Variants in PTK6 observed in about 807,000 individuals in gnomAD.
PTK6 encodes the protein protein-tyrosine kinase 6.
A neutral mutation model predicts 47.5 loss-of-function variants in PTK6; 47 were observed. The ratio of observed to expected loss-of-function variants is 0.99; its 90% CI spans 0.78 to 1.26. The LOEUF is 1.26. Ranked by LOEUF, PTK6 falls within the 50% of genes most tolerant of loss-of-function variation. PTK6 has a pLI of 0.00. For synonymous variants in PTK6, 287 were observed against 276.5 expected (o/e 1.04, Z -0.38); for missense variants, 618 against 625.3 (o/e 0.99, Z 0.12).
In PTK6 at chr20:63,534,302, C is replaced by T. The variant is rs1482973052; in HGVS notation, c.366G>A (p.Gln122=). 3.1e-6 allele frequency: 5 copies of T among 1,604,422 alleles called. No homozygotes were observed. The highest frequency in any genetic ancestry group is 2.2e-5 in the East Asian group (1 of 44,712). ...GCCAGATCTTGTAGTGCCGCACAGC[C>T]TGCGTGTCCCGCACTGGGAGGGAGA... ...ADYVLSVRDT[Q]AVRHYKIWRR... is the part of the protein sequence containing the mutation. Residue 122 remains glutamine, a synonymous_variant, in exon 3 of 8, where the codon CAG becomes CAA. Coordinates refer to ENST00000542869, the MANE Select transcript of PTK6 (RefSeq NM_005975.4).
chr20:63,534,225 A>G lies in PTK6; in HGVS notation c.443T>C (p.Leu148Pro), dbSNP rs1472451221. 1 of 1,600,466 alleles carries G rather than the reference A, an allele frequency of 6.2e-7. No homozygotes were observed. The highest frequency in any genetic ancestry group is 8.5e-7 in the Non-Finnish European group (1 of 1,174,726). ...HLNEAVSFLS[L>P]PELVNYHRAQ... ...CCTGTGGTAGTTCACAAGCTCGGGC[A>G]GGCTGAGGAAGGACACCGCCTCGTT... is the stretch of plus-strand genomic sequence containing the variant. The change falls in exon 3 of 8, where the codon CTG becomes CCG. Residue 148 changes from leucine to proline, a missense_variant. Leu to Pro is a moderately conservative substitution (Grantham distance 98). Coordinates refer to ENST00000542869, the MANE Select transcript of PTK6 (RefSeq NM_005975.4).
rs754007821 is a variant in PTK6 at position 63,537,226 on chromosome 20, C to T, written c.89G>A (p.Arg30His). The T allele has an allele frequency of 4.3e-5, 70 of 1,612,294 alleles. 2 individuals carry two copies. The highest frequency in any genetic ancestry group is 4.0e-4 in the South Asian group (36 of 91,000). Residue 30 changes from arginine (R) to histidine (H), a missense_variant, in exon 1 of 8, where the codon CGC (arginine) becomes CAC (histidine). By Grantham distance (29) the Arg-to-His change is conservative. Transcript: ENST00000542869. ...GGCCACGTGGAAGACGTCCCCCGCG[C>T]GGAAGCTCAGCTCCTCGTCCGTCCG... is the stretch of plus-strand genomic sequence containing the variant. ...KSRTDEELSF[R>H]AGDVFHVARK...
Position 63,530,052 on chromosome 20 carries a change from C to A in PTK6, c.1168+26G>T. 2 of 1,612,230 alleles carry A rather than the reference C, an allele frequency of 1.2e-6. No individual in the cohort carries two copies. Among genetic ancestry groups the A allele is most frequent in the South Asian group, 1.1e-5 (1 of 91,048 alleles). ...ACCTCCCCCACTCTGCCTCTCATGCCCAGTCAGGGACAGTGGGGACAGTAC... is the reference window on the plus strand; with the variant it reads ...ACCTCCCCCACTCTGCCTCTCATGCACAGTCAGGGACAGTGGGGACAGTAC... On this transcript the variant is annotated intron_variant, in intron 7 of 7. Transcript: ENST00000542869. The surrounding 1 kb of genome is among the most constrained non-coding windows in gnomAD (Gnocchi z 4.1).
In PTK6 at chr20:63,530,795, TC is replaced by T. The variant is rs1206169249; in HGVS notation, c.964del (p.Glu322LysfsTer12). The T allele has an allele frequency of 6.2e-7, 1 of 1,614,026 alleles. No homozygotes were observed. Among genetic ancestry groups the T allele is most frequent in the Non-Finnish European group, 8.5e-7 (1 of 1,179,982 alleles). On this transcript the variant is annotated frameshift_variant, in exon 6 of 8. Transcript: ENST00000542869. LOFTEE classifies it high-confidence loss of function. This position sits in a 1 kb window ranked among gnomAD's most constrained non-coding sequence, Gnocchi z 4.1. ...DLAARNILVGENTLCKVGDFG... is the reference protein window; with the variant it reads ...DLAARNILVGXNTLCKVGDFG... The stretch of plus-strand genomic sequence containing the variant: ...GTCCCCAACTTTGCAGAGGGTGTTT[TC>T]CCCGACGAGGATGTTCCTGGCGGCC...
Position 63,532,532 on chromosome 20 carries a change from G to A in PTK6, c.826C>T (p.Leu276Phe). ...CCCGGCCCATGCCACTCACCGCGGA[G>A]CAGCTCCAGCAGGCTGCCCTTGGCC... is the stretch of plus-strand genomic sequence containing the variant. ...LMAKGSLLELLRDSDEKVLPV... is the reference protein window; with the variant it reads ...LMAKGSLLELFRDSDEKVLPV... Residue 276 changes from leucine to phenylalanine, a missense_variant, in exon 5 of 8, where the codon CTC (leucine) becomes TTC (phenylalanine). Leu to Phe is a conservative substitution (Grantham distance 22, BLOSUM62 0). Coordinates refer to ENST00000542869, the MANE Select transcript of PTK6 (RefSeq NM_005975.4). 1 of 1,610,802 alleles carries A rather than the reference G, an allele frequency of 6.2e-7. No individual in the cohort carries two copies. Among genetic ancestry groups the A allele is most frequent in the Non-Finnish European group, 8.5e-7 (1 of 1,177,768 alleles).
At position 63,534,951 on chromosome 20, in the gene PTK6, G is replaced by T. The variant is rs2082652822; in HGVS notation, c.339C>A (p.Asp113Glu). Residue 113 changes from aspartate to glutamate, a missense_variant, in exon 2 of 8, where the codon GAC becomes GAA. Physicochemically the swap from Asp to Glu is conservative, Grantham distance 45 (BLOSUM62 2). Coordinates refer to ENST00000542869, the MANE Select transcript of PTK6 (RefSeq NM_005975.4). ...LIRVSEKPSA[D>E]YVLSVRDTQA... ...CCGGGGCCGCACCCGACAGGACGTAGTCGGCACTCGGCTTCTCGCTGACCC... is the reference window on the plus strand; with the variant it reads ...CCGGGGCCGCACCCGACAGGACGTATTCGGCACTCGGCTTCTCGCTGACCC... 1 of 1,603,874 alleles carries T rather than the reference G, an allele frequency of 6.2e-7. No individual in the cohort carries two copies. Among genetic ancestry groups the T allele is most frequent in the African/African-American group, 1.3e-5 (1 of 74,794 alleles).
Position 63,533,501 on chromosome 20 carries a change from G to A in PTK6, c.670+50C>T. 2.0e-6 allele frequency: 3 copies of A among 1,524,512 alleles called. No individual in the cohort carries two copies. Among genetic ancestry groups the A allele is most frequent in the Admixed American group, 2.0e-5 (1 of 49,694 alleles). 94.4% of individuals were successfully genotyped at this position (1,524,512 alleles called of 1,614,324 possible). A position where few individuals can be genotyped will look rare whatever the true frequency, so the allele number is the denominator to read the frequency against. ...TCCCTGTTGGCGGGGTGGGAGGGTG[G>A]CCCAGGGCAGGCACGGGGCCACACA... On this transcript the variant is annotated intron_variant, in intron 4 of 7. Transcript: ENST00000542869. This position sits in a 1 kb window ranked among gnomAD's most constrained non-coding sequence, Gnocchi z 4.0.
intron 5 of PTK6, among the ~76,000 whole-genome samples, chr20:63,531,223 C>T (rs2082616899): frequency 1.3e-5 from 2 of 151,462 alleles, no homozygotes; most frequent in African/African-American, 4.9e-5. Flanking sequence ...AGATCGAGAC[C>T]ATCCTGGCTA....
chr20:63,533,704 G>C lies in PTK6; in HGVS notation c.517C>G (p.His173Asp). Reference sequence around the variant, plus strand: ...CAATGGGGCAGGGGCTCAGGCTCGTGCTGGAGGAAGAGTCGGGGACACAGG... The same window carrying C: ...CAATGGGGCAGGGGCTCAGGCTCGTCCTGGAGGAAGAGTCGGGGACACAGG... ...GLRLAAPCRK[H>D]EPEPLPHWDD... is the part of the protein sequence containing the mutation. The change falls in exon 4 of 8, where the codon CAC becomes GAC. Residue 173 changes from histidine (H) to aspartate (D), a missense_variant and splice_region_variant. By Grantham distance (81) the His-to-Asp change is moderately conservative. Coordinates refer to ENST00000542869, the MANE Select transcript of PTK6 (RefSeq NM_005975.4). This position sits in a 1 kb window ranked among gnomAD's most constrained non-coding sequence, Gnocchi z 4.0. 6.2e-7 allele frequency: 1 copy of C among 1,611,214 alleles called. No individual in the cohort carries two copies. The highest frequency in any genetic ancestry group is 8.5e-7 in the Non-Finnish European group (1 of 1,178,850).
chr20:63,530,217 G>A lies in PTK6; in HGVS notation c.1029C>T (p.Leu343=). 6.2e-7 allele frequency: 1 copy of A among 1,614,036 alleles called. No homozygotes were observed. The highest frequency in any genetic ancestry group is 1.7e-5 in the Admixed American group (1 of 60,032). The change falls in exon 7 of 8, where the codon CTC becomes CTT. Residue 343 remains leucine, a synonymous_variant. Coordinates refer to ENST00000542869, the MANE Select transcript of PTK6 (RefSeq NM_005975.4). This position sits in a 1 kb window ranked among gnomAD's most constrained non-coding sequence, Gnocchi z 4.1. ...LARLIKEDVY[L]SHDHNIPYKW... ...TGTAGGGGATATTGTGGTCATGGGA[G>A]AGGTAGACGTCCTCCTGCAATCAGC...
chr20:63,534,912 C>T, intron 2 of PTK6, 26 bp downstream of exon 2: 1 of 1,577,786 alleles, frequency 6.3e-7, no homozygotes, highest in Non-Finnish European at 8.6e-7. Flanking sequence ...CGCAGGCAAG[C>T]ACAGGCTCGG....
Position 63,530,996 on chromosome 20 carries a change from C to T in PTK6, c.833-69G>A. 1 of 1,393,322 alleles carries T rather than the reference C, an allele frequency of 7.2e-7. No homozygotes were observed. The highest frequency in any genetic ancestry group is 1.4e-5 in the South Asian group (1 of 68,980). 86.3% of individuals were successfully genotyped at this position (1,393,322 alleles called of 1,614,324 possible). On this transcript the variant is annotated intron_variant, in intron 5 of 7. Coordinates refer to ENST00000542869, the MANE Select transcript of PTK6 (RefSeq NM_005975.4). This position sits in a 1 kb window ranked among gnomAD's most constrained non-coding sequence, Gnocchi z 4.1. ...CTGAGGTGGGGAAGGGTTGGGGAGG[C>T]TGGGCCATGTCTCATCTGCCTCCAA...
At chr20:63,534,046 G>C (rs983229659) in intron 3 of PTK6, 106 bp downstream of exon 3, 1 of 1,385,172 alleles carries the variant, frequency 7.2e-7, no homozygotes, top group African/African-American at 1.4e-5. Flanking sequence ...AGGTCAGTGA[G>C]TCAGGACCCC....
rs1555885666 is a variant in PTK6, at chr20:63,529,460, G to A, written c.*76C>T. 7.0e-7 allele frequency: 1 copy of A among 1,420,798 alleles called. No individual in the cohort carries two copies. Among genetic ancestry groups the A allele is most frequent in the Non-Finnish European group, 9.3e-7 (1 of 1,074,516 alleles). The allele number at this position is 1,420,798 out of a possible 1,614,324, so 88.0% of individuals were successfully genotyped here. ...TCAGTAAACCCCAGGGAAGCGCGTG[G>A]GCCTTGATCCCAGGTCCAGGCCCTC... On this transcript the variant is annotated 3_prime_UTR_variant, in exon 8 of 8. Coordinates refer to ENST00000542869, the MANE Select transcript of PTK6 (RefSeq NM_005975.4). This position sits in a 1 kb window ranked among gnomAD's most constrained non-coding sequence, Gnocchi z 5.6.
chr20:63,536,537 CG>C (rs1413056621), intron 1 of PTK6, among the ~76,000 whole-genome samples: 13 of 151,884 alleles, frequency 8.6e-5, no homozygotes, highest in Admixed American at 3.3e-4. Context: ...GCCTGAGCTC[CG>C]GGCAGCTGTG....
rs1450760359 is a variant in PTK6 at position 63,537,344 on chromosome 20, T to C, written c.-30A>G. On this transcript the variant is annotated 5_prime_UTR_variant, in exon 1 of 8. Transcript: ENST00000542869. ...GGCGGGCGCAGCGGCAGGACCAGGC[T>C]GTGGCCCAGCTGGAGCACCCAGAGC... The C allele has an allele frequency of 6.4e-7, 1 of 1,564,312 alleles. No homozygotes were observed. The highest frequency in any genetic ancestry group is 1.8e-5 in the Admixed American group (1 of 56,936).
At chr20:63,536,846 G>A (rs1027251593) in intron 1 of PTK6, among the ~76,000 whole-genome samples, 2 of 152,216 alleles carry the variant, frequency 1.3e-5, no homozygotes, top group Admixed American at 6.5e-5. Flanking sequence ...GGCAGGGGCC[G>A]TGCCCTCTGA....
At position 63,534,247 on chromosome 20, in the gene PTK6, C is replaced by A; in HGVS notation, c.421G>T (p.Glu141Ter). 2 of 1,607,388 alleles carry A rather than the reference C, an allele frequency of 1.2e-6. No homozygotes were observed. The highest frequency in any genetic ancestry group is 1.7e-6 in the Non-Finnish European group (2 of 1,177,988). Residue 141 changes from glutamate (E) to a stop codon, truncating the protein, a stop_gained, in exon 3 of 8, where the codon GAG becomes TAG. Transcript: ENST00000542869. LOFTEE classifies it high-confidence loss of function. ...RRAGGRLHLN[E>*]AVSFLSLPEL... Reference sequence around the variant, plus strand: ...GGCAGGCTGAGGAAGGACACCGCCTCGTTCAGGTGCAGCCGGCCCCCGGCA... The same window carrying A: ...GGCAGGCTGAGGAAGGACACCGCCTAGTTCAGGTGCAGCCGGCCCCCGGCA...
Position 63,530,642 on chromosome 20 carries a change from C to G in PTK6, c.1014+104G>C. Reference sequence around the variant, plus strand: ...AGCCTGGGCTCCCGAGGGCAGGGGCCGCATCCTGCTCCCAGCCGAGTCCCC... The same window carrying G: ...AGCCTGGGCTCCCGAGGGCAGGGGCGGCATCCTGCTCCCAGCCGAGTCCCC... On this transcript the variant is annotated intron_variant, in intron 6 of 7. Coordinates refer to ENST00000542869, the MANE Select transcript of PTK6 (RefSeq NM_005975.4). The surrounding 1 kb of genome is among the most constrained non-coding windows in gnomAD (Gnocchi z 4.1). The G allele has an allele frequency of 2.2e-6, 3 of 1,386,180 alleles. No individual in the cohort carries two copies. Among genetic ancestry groups the G allele is most frequent in the Non-Finnish European group, 9.8e-7 (1 of 1,023,974 alleles). The allele number at this position is 1,386,180 out of a possible 1,614,324, so 85.9% of individuals were successfully genotyped here.
Sources: allele counts gnomAD v4.1 joint callset (sites outside exome capture counted in the v4.1 genomes callset), GRCh38; gene constraint gnomAD v4.1.1; non-coding constraint Gnocchi (gnomAD v3.1); transcripts MANE v1.5; gene names NCBI Gene and HGNC (gene_info 2026-07-23, HGNC 2026-07-21).